DENND2B: variants seen among roughly 807,000 people sequenced by gnomAD.
The protein encoded by DENND2B is DENN domain containing 2B.
A neutral mutation model predicts 116.0 loss-of-function variants in DENND2B; 32 were observed. That is an observed-to-expected ratio of 0.28 (90% CI 0.21 to 0.37). The LOEUF (loss-of-function observed/expected upper bound fraction) is 0.37. Among genes scored for constraint, DENND2B ranks in the 10% least tolerant of loss-of-function variants. The pLI, the probability that DENND2B is intolerant of heterozygous loss-of-function variation, is 1.00. For synonymous variants in DENND2B, 588 were observed against 583.9 expected (o/e 1.01, Z -0.10); for missense variants, 1,276 against 1,477.7 (o/e 0.86, Z 2.24).
chr11:8,712,497 A>G lies in DENND2B; in HGVS notation c.2172+54T>C. Reference sequence around the variant, plus strand: ...CTCCTTCCCCAGATAGGCCTGGCGGATAGAGGATGGAAGAGGGGGAATATG... The same window carrying G: ...CTCCTTCCCCAGATAGGCCTGGCGGGTAGAGGATGGAAGAGGGGGAATATG... On this transcript the variant is annotated intron_variant, in intron 9 of 19. Transcript: ENST00000313726. This position sits in a 1 kb window ranked among gnomAD's most constrained non-coding sequence, Gnocchi z 4.4. The G allele has an allele frequency of 6.6e-7, 1 of 1,509,510 alleles. No homozygotes were observed. The highest frequency in any genetic ancestry group is 8.9e-7 in the Non-Finnish European group (1 of 1,118,674). 93.5% of individuals were successfully genotyped at this position (1,509,510 alleles called of 1,614,324 possible).
At chr11:8,745,489 A>G (rs546045971) in intron 2 of DENND2B, among the ~76,000 whole-genome samples, 1 of 152,302 alleles carries the variant, frequency 6.6e-6, no homozygotes, top group Admixed American at 6.5e-5. Context: ...GAATTGTTGC[A>G]ATCAGAGGGC....
rs1042662262 is a variant in DENND2B, at chr11:8,834,742, G to C, written c.-115+4568C>G. Among the ~76,000 whole-genome samples the C allele has an allele frequency of 1.9e-4, 29 of 152,304 alleles. 1 individual carries two copies. The highest frequency in any genetic ancestry group is 5.3e-4 in the African/African-American group (22 of 41,582). On this transcript the variant is annotated intron_variant, in intron 4 of 6. Coordinates refer to the DENND2B transcript ENST00000524757. The stretch of plus-strand genomic sequence containing the variant: ...GCAGGGGCCAGAGGGTGAACAGACT[G>C]TGTTTTCACTAAAAGCTCCTTTTTC...
intron 1 of DENND2B, among the ~76,000 whole-genome samples, chr11:8,761,483 T>C (rs567072744): frequency 2.6e-5 from 4 of 152,314 alleles, no homozygotes; most frequent in Admixed American, 2.0e-4. Context: ...AGTCCTATCT[T>C]AGAGCAGCAC....
upstream of DENND2B, among the ~76,000 whole-genome samples, chr11:8,815,378 T>A (rs1387373740): frequency 6.6e-6 from 1 of 152,118 alleles, no homozygotes; most frequent in Non-Finnish European, 1.5e-5. Flanking sequence ...TGTGACTACA[T>A]CCAACGTTCC....
chr11:8,800,515 TCA>T (rs2134406659), intron 1 of DENND2B, among the ~76,000 whole-genome samples: 1 of 152,302 alleles, frequency 6.6e-6, no homozygotes, highest in African/African-American at 2.4e-5. Flanking sequence ...TGTTTGACCA[TCA>T]TCTAGAGTTT....
intron 4 of DENND2B, among the ~76,000 whole-genome samples, chr11:8,826,876 A>T (rs1218007807): frequency 6.6e-6 from 1 of 152,226 alleles, no homozygotes; most frequent in Non-Finnish European, 1.5e-5. Context: ...ATCAACATTG[A>T]ACAACCTGTG....
chr11:8,822,757 T>C (rs559884256), intron 4 of DENND2B, among the ~76,000 whole-genome samples: 3 of 152,354 alleles, frequency 2.0e-5, no homozygotes, highest in Non-Finnish European at 4.4e-5. Context: ...TACCAAGCTA[T>C]TGTTCATTCC....
chr11:8,755,855 C>G (rs1282338894), intron 1 of DENND2B, among the ~76,000 whole-genome samples: 1 of 152,150 alleles, frequency 6.6e-6, no homozygotes, highest in Non-Finnish European at 1.5e-5. Context: ...ATGATAAAGT[C>G]AATCTTGCCC....
At chr11:8,880,470 A>G (rs1481266410) in intron 2 of DENND2B, among the ~76,000 whole-genome samples, 1 of 152,142 alleles carries the variant, frequency 6.6e-6, no homozygotes, top group African/African-American at 2.4e-5. Context: ...CTGTGAAGAA[A>G]TAAATCATTT....
rs371222551 is a variant in DENND2B, at chr11:8,714,126, A to G, written c.1943-84T>C. 49 of 1,367,420 alleles carry G rather than the reference A, an allele frequency of 3.6e-5. No individual in the cohort carries two copies. In the South Asian group the frequency reaches 5.7e-4, roughly 16 times the overall value. The allele number at this position is 1,367,420 out of a possible 1,614,324, so 84.7% of individuals were successfully genotyped here. On this transcript the variant is annotated intron_variant, in intron 7 of 19. Transcript: ENST00000313726. ...CCCCCACCACCCCAGCTTTTCTCAC[A>G]GGGGATGGATCTCTACCTTCTCTGG...
intron 2 of DENND2B, among the ~76,000 whole-genome samples, chr11:8,732,763 G>T (rs367682440): frequency 5.6e-4 from 85 of 152,374 alleles, no homozygotes; most frequent in Admixed American, 2.1e-3. Flanking sequence ...AACAGTTTCA[G>T]TTCAAAAACA....
At chr11:8,717,463 A>G (rs891525079) in intron 5 of DENND2B, among the ~76,000 whole-genome samples, 3 of 152,140 alleles carry the variant, frequency 2.0e-5, no homozygotes, top group Non-Finnish European at 2.9e-5. Context: ...CTTGTGTAGG[A>G]AGGGAAAGAA....
intron 3 of DENND2B, among the ~76,000 whole-genome samples, chr11:8,846,716 C>T (rs2062827145): frequency 6.6e-6 from 1 of 152,212 alleles, no homozygotes; most frequent in Non-Finnish European, 1.5e-5. Context: ...ATGCAGCCTC[C>T]TCAAACACTT....
At chr11:8,906,205 CTTTTTTTTTTTT>C (rs34217164) in intron 1 of DENND2B, among the ~76,000 whole-genome samples, 9 of 93,300 alleles carry the variant, frequency 9.6e-5, no homozygotes, top group Non-Finnish European at 1.8e-4. Context: ...TCTTTTTTTT[CTTTTTTTTTTTT>C]TTTTTTGAGA....
chr11:8,784,370 T>G (rs1593647622), intron 1 of DENND2B, among the ~76,000 whole-genome samples: 2 of 145,754 alleles, frequency 1.4e-5, no homozygotes, highest in Admixed American at 6.9e-5. Context: ...GAGGCTGCAG[T>G]GAGTGGTGAC....
At chr11:8,700,332 T>C (rs1336893919) in intron 14 of DENND2B, among the ~76,000 whole-genome samples, 1 of 152,120 alleles carries the variant, frequency 6.6e-6, no homozygotes, top group Non-Finnish European at 1.5e-5. Flanking sequence ...ACAGAACACC[T>C]AGAAGTGTGA....
intron 1 of DENND2B, among the ~76,000 whole-genome samples, chr11:8,775,211 G>C (rs1310235255): frequency 6.6e-6 from 1 of 152,090 alleles, no homozygotes; most frequent in Non-Finnish European, 1.5e-5. Flanking sequence ...GGATGGACTA[G>C]AGACCAAGGA....
chr11:8,803,960 A>G (rs937867728), intron 1 of DENND2B, among the ~76,000 whole-genome samples: 2 of 152,218 alleles, frequency 1.3e-5, no homozygotes, highest in African/African-American at 2.4e-5. Context: ...CTCCAATACC[A>G]CACTGAGAAA....
chr11:8,707,055 C>G lies in DENND2B; in HGVS notation c.2571+30G>C. On this transcript the variant is annotated intron_variant, in intron 13 of 19. Coordinates refer to ENST00000313726, the MANE Select transcript of DENND2B (RefSeq NM_213618.2). This position sits in a 1 kb window ranked among gnomAD's most constrained non-coding sequence, Gnocchi z 4.8. Reference sequence around the variant, plus strand: ...GTCCTCCTGCCACCCCAGCCCGTAGCCCGAGAGAAGAGGGTGCAGAAATCC... The same window carrying G: ...GTCCTCCTGCCACCCCAGCCCGTAGGCCGAGAGAAGAGGGTGCAGAAATCC... 1 of 1,599,244 alleles carries G rather than the reference C, an allele frequency of 6.3e-7. No individual in the cohort carries two copies. Among genetic ancestry groups the G allele is most frequent in the Non-Finnish European group, 8.5e-7 (1 of 1,170,920 alleles).
Sources: allele counts gnomAD v4.1 joint callset (sites outside exome capture counted in the v4.1 genomes callset), GRCh38; gene constraint gnomAD v4.1.1; non-coding constraint Gnocchi (gnomAD v3.1); transcripts MANE v1.5; gene names NCBI Gene and HGNC (gene_info 2026-07-23, HGNC 2026-07-21).